The following SBSPON variants were observed in gnomAD, a reference collection of about 807,000 sequenced individuals.
SBSPON encodes the protein somatomedin-B and thrombospondin type-1 domain-containing protein.
Under a neutral mutation model 35.8 loss-of-function variants are expected in SBSPON, and 30 were observed. The observed-to-expected ratio is 0.84, with a 90% CI of 0.63 to 1.14. The LOEUF (loss-of-function observed/expected upper bound fraction) is 1.14, where lower values mean the gene tolerates loss of function less well. SBSPON is among the 50% of genes most tolerant of loss of function. The probability of loss-of-function intolerance (pLI) is 0.00; values close to 1 mark genes in which losing one functional copy is unlikely to be tolerated. For synonymous variants in SBSPON, 136 were observed against 135.9 expected (o/e 1.00, Z 0.00); for missense variants, 364 against 357.7 (o/e 1.02, Z -0.14).
At chr8:73,080,058 T>G (rs1053199787) in intron 2 of SBSPON, among the ~76,000 whole-genome samples, 4 of 152,202 alleles carry the variant, frequency 2.6e-5, no homozygotes, top group African/African-American at 9.7e-5. Context: ...ACACATCAGC[T>G]TTTTCATTTA....
intron 1 of SBSPON, among the ~76,000 whole-genome samples, chr8:73,090,480 G>A (rs759625882): frequency 3.3e-5 from 5 of 152,240 alleles, no homozygotes; most frequent in Admixed American, 6.5e-5. Context: ...AGCCACAGTC[G>A]GCATGGTTGT....
chr8:73,065,281 G>A lies in SBSPON; in HGVS notation c.*2060C>T, dbSNP rs929450834. Reference sequence around the variant, plus strand: ...TATGTTAAATGTTATAACACATATCGGAACTATAAAAGCACCATTGCTTTA... The same window carrying A: ...TATGTTAAATGTTATAACACATATCAGAACTATAAAAGCACCATTGCTTTA... On this transcript the variant is annotated 3_prime_UTR_variant, in exon 5 of 5. Transcript: ENST00000297354. The A allele has an allele frequency of 1.6e-4, 25 of 151,906 alleles. No individual in the cohort carries two copies. The highest frequency in any genetic ancestry group is 2.4e-4 in the African/African-American group (10 of 41,368). 9.4% of individuals were successfully genotyped at this position (151,906 alleles called of 1,614,324 possible). A position where few individuals can be genotyped will look rare whatever the true frequency, so the allele number is the denominator to read the frequency against.
Position 73,069,874 on chromosome 8 carries a change from A to C in SBSPON, c.608T>G (p.Val203Gly). 6.2e-7 allele frequency: 1 copy of C among 1,613,946 alleles called. No homozygotes were observed. Among genetic ancestry groups the C allele is most frequent in the East Asian group, 2.2e-5 (1 of 44,874 alleles). Residue 203 changes from valine to glycine, a missense_variant, in exon 4 of 5, where the codon GTG (valine) becomes GGG (glycine). Coordinates refer to ENST00000297354, the MANE Select transcript of SBSPON (RefSeq NM_153225.4). ...QYLREGYTVC[V>G]DCQPPAMNSV... is the part of the protein sequence containing the mutation. ...GTTCATAGCTGGAGGCTGACAATCC[A>C]CACACACCGTGTATCCCTCTCGGAG...
At position 73,067,194 on chromosome 8, in the gene SBSPON, G is replaced by T; in HGVS notation, c.*147C>A. On this transcript the variant is annotated 3_prime_UTR_variant, in exon 5 of 5. Transcript: ENST00000297354. The stretch of plus-strand genomic sequence containing the variant: ...AAGGACCTGTGTTCCTTGAGAACTG[G>T]CCCCTAAATTTTCTTTCTCTACTTC... 1.9e-6 allele frequency: 1 copy of T among 535,540 alleles called. No individual in the cohort carries two copies. The highest frequency in any genetic ancestry group is 3.4e-6 in the Non-Finnish European group (1 of 296,756). 33.2% of individuals were successfully genotyped at this position (535,540 alleles called of 1,614,324 possible). A position where few individuals can be genotyped will look rare whatever the true frequency, so the allele number is the denominator to read the frequency against.
At chr8:73,080,166 C>T (rs961396547) in intron 2 of SBSPON, among the ~76,000 whole-genome samples, 1 of 152,150 alleles carries the variant, frequency 6.6e-6, no homozygotes, top group East Asian at 1.9e-4. Context: ...TTTCAAATTA[C>T]ATTAGCCCCA....
chr8:73,078,276 C>T (rs540902280), intron 2 of SBSPON, among the ~76,000 whole-genome samples: 2 of 152,120 alleles, frequency 1.3e-5, no homozygotes, highest in Non-Finnish European at 2.9e-5. Flanking sequence ...TCCTGTCTTC[C>T]CCAACTAGCT....
chr8:73,090,406 A>G (rs1179454466), intron 1 of SBSPON, among the ~76,000 whole-genome samples: 1 of 152,206 alleles, frequency 6.6e-6, no homozygotes, highest in Admixed American at 6.5e-5. Context: ...GTTGCCCCGA[A>G]CCAGCTTCCA....
At position 73,070,697 on chromosome 8, in the gene SBSPON, A is replaced by G. The variant is rs563469566; in HGVS notation, c.501-716T>C. ...TGAAAGCCCAGGGGAACATCCAGAC[A>G]TGAGGAATATTTTAGAAATTTGTAC... On this transcript the variant is annotated intron_variant, in intron 3 of 4. Coordinates refer to ENST00000297354, the MANE Select transcript of SBSPON (RefSeq NM_153225.4). Among the ~76,000 whole-genome samples the G allele has an allele frequency of 5.3e-5, 8 of 152,354 alleles. No homozygotes were observed. In the East Asian group the frequency reaches 9.6e-4, roughly 18 times the overall value.
chr8:73,067,142 G>C lies in SBSPON; in HGVS notation c.*199C>G. 3 of 462,450 alleles carry C rather than the reference G, an allele frequency of 6.5e-6. No individual in the cohort carries two copies. The highest frequency in any genetic ancestry group is 1.2e-5 in the Non-Finnish European group (3 of 255,168). The allele number at this position is 462,450 out of a possible 1,614,324, so 28.6% of individuals were successfully genotyped here. A position where few individuals can be genotyped will look rare whatever the true frequency, so the allele number is the denominator to read the frequency against. On this transcript the variant is annotated 3_prime_UTR_variant, in exon 5 of 5. Transcript: ENST00000297354. Reference sequence around the variant, plus strand: ...AAAACCACAAGAGCTTTTTGAGTGGGTCTTCAACTTAGTTAAAATAAAAAT... The same window carrying C: ...AAAACCACAAGAGCTTTTTGAGTGGCTCTTCAACTTAGTTAAAATAAAAAT...
chr8:73,081,004 T>G lies in SBSPON; in HGVS notation c.409+15A>C. On this transcript the variant is annotated intron_variant, in intron 2 of 4. Transcript: ENST00000297354. ...TCACAGATAACAAAGGCAGCAACCATGAAAACATCAGTACCATAGGTGTGC... is the reference window on the plus strand; with the variant it reads ...TCACAGATAACAAAGGCAGCAACCAGGAAAACATCAGTACCATAGGTGTGC... 1 of 1,543,594 alleles carries G rather than the reference T, an allele frequency of 6.5e-7. No homozygotes were observed. The highest frequency in any genetic ancestry group is 8.8e-7 in the Non-Finnish European group (1 of 1,142,510).
Position 73,067,424 on chromosome 8 carries a change from G to A in SBSPON, c.712C>T (p.Pro238Ser). The A allele has an allele frequency of 6.2e-7, 1 of 1,610,686 alleles. No homozygotes were observed. Among genetic ancestry groups the A allele is most frequent in the South Asian group, 1.1e-5 (1 of 90,966 alleles). Residue 238 changes from proline to serine, a missense_variant, in exon 5 of 5, where the codon CCT (proline) becomes TCT (serine). Pro to Ser is a moderately conservative substitution (Grantham distance 74, BLOSUM62 -1). Coordinates refer to ENST00000297354, the MANE Select transcript of SBSPON (RefSeq NM_153225.4). ...TTTTTCCAAGTTCCTTGACACCGAG[G>A]ATTACCAATTGCTTGCCAATGGAGA... Reference protein sequence around the residue: ...QTLHWQAIGNPRCQGTWKKVR... With the variant: ...QTLHWQAIGNSRCQGTWKKVR...
At chr8:73,084,683 T>A (rs1810785541) in intron 1 of SBSPON, among the ~76,000 whole-genome samples, 1 of 151,904 alleles carries the variant, frequency 6.6e-6, no homozygotes, top group Admixed American at 6.6e-5. Flanking sequence ...CCAGACTAAC[T>A]ACTTCCTCTT....
intron 4 of SBSPON, 80 bp from the exon 5 acceptor site, chr8:73,067,538 G>T: frequency 1.2e-6 from 1 of 823,848 alleles, no homozygotes; most frequent in Admixed American, 1.9e-5. Context: ...AAAACTCGGA[G>T]TTAAAAAAAA....
chr8:73,070,400 G>T (rs902600030), intron 3 of SBSPON, among the ~76,000 whole-genome samples: 2 of 152,162 alleles, frequency 1.3e-5, no homozygotes, highest in African/African-American at 4.8e-5. Flanking sequence ...AAAAATGTGA[G>T]CCCAGGAGGG....
chr8:73,089,427 G>A (rs1043586655), intron 1 of SBSPON, among the ~76,000 whole-genome samples: 1 of 152,080 alleles, frequency 6.6e-6, no homozygotes, highest in South Asian at 2.1e-4. Flanking sequence ...ATGGTGGCAG[G>A]TGCCTGTAAT....
chr8:73,067,611 T>A (rs1294520434), intron 4 of SBSPON, among the ~76,000 whole-genome samples, 153 bp from the exon 5 acceptor site: 3 of 32,348 alleles, frequency 9.3e-5, no homozygotes, highest in African/African-American at 2.9e-4. Flanking sequence ...ATATATAGTT[T>A]TTTTTTTTTT....
intron 3 of SBSPON, among the ~76,000 whole-genome samples, chr8:73,071,296 G>A (rs1022455818): frequency 2.6e-5 from 4 of 152,212 alleles, no homozygotes; most frequent in Admixed American, 2.6e-4. Flanking sequence ...TGAGGGCAGT[G>A]TGGGGACCTG....
chr8:73,077,424 C>T (rs1304833859), intron 2 of SBSPON, among the ~76,000 whole-genome samples: 2 of 152,240 alleles, frequency 1.3e-5, no homozygotes, highest in East Asian at 3.8e-4. Context: ...AACAGGGACA[C>T]AGGTGACCAT....
rs542303282 is a variant in SBSPON, at chr8:73,086,782, A to C, written c.215-5569T>G. Among the ~76,000 whole-genome samples, 8 of 152,364 alleles carry C rather than the reference A, an allele frequency of 5.3e-5. No individual in the cohort carries two copies. In the East Asian group the frequency reaches 1.3e-3, roughly 26 times the overall value. On this transcript the variant is annotated intron_variant, in intron 1 of 4. Coordinates refer to ENST00000297354, the MANE Select transcript of SBSPON (RefSeq NM_153225.4). The stretch of plus-strand genomic sequence containing the variant: ...AAAAGATATGAATAAAAAAGATAAT[A>C]GTACTTTTTCTTTCTGGGTAACAGG...
Sources: allele counts gnomAD v4.1 joint callset (sites outside exome capture counted in the v4.1 genomes callset), GRCh38; gene constraint gnomAD v4.1.1; transcripts MANE v1.5; gene names NCBI Gene and HGNC (gene_info 2026-07-23, HGNC 2026-07-21).